Variants in TAFA5 observed in about 807,000 individuals in gnomAD.
TAFA5 encodes the protein chemokine-like protein TAFA-5.
In TAFA5, 6 loss-of-function variants were observed where a neutral mutation model predicts 15.3. The observed-to-expected ratio is 0.39, with a 90% CI of 0.21 to 0.77. The LOEUF (loss-of-function observed/expected upper bound fraction) is 0.77, where lower values mean the gene tolerates loss of function less well. Among genes scored for constraint, TAFA5 ranks in the 30% least tolerant of loss-of-function variants. The pLI is 0.41. For synonymous variants in TAFA5, 103 were observed against 80.7 expected, an observed-to-expected ratio of 1.28 and a Z score of -1.48; for missense variants, 161 against 193.1, an observed-to-expected ratio of 0.83 and a Z score of 0.98.
At chr22:48,599,817 G>C (rs1924897964) in intron 1 of TAFA5, among the ~76,000 whole-genome samples, 1 of 152,218 alleles carries the variant, frequency 6.6e-6, no homozygotes, top group Non-Finnish European at 1.5e-5. Context: ...CTATGTGGGG[G>C]GTTGAGCAGC....
intron 1 of TAFA5, among the ~76,000 whole-genome samples, chr22:48,630,988 C>T (rs1926204697): frequency 6.6e-6 from 1 of 152,202 alleles, no homozygotes; most frequent in African/African-American, 2.4e-5. Flanking sequence ...CTCGGCGTGT[C>T]CTGCAGCCAG....
At chr22:48,735,668 C>T (rs143866498) in intron 3 of TAFA5, among the ~76,000 whole-genome samples, 5 of 152,292 alleles carry the variant, frequency 3.3e-5, no homozygotes, top group Non-Finnish European at 7.4e-5. Context: ...CTTTGGAAGA[C>T]AGTTTGGCAG....
intron 1 of TAFA5, among the ~76,000 whole-genome samples, chr22:48,571,509 G>A (rs1461579102): frequency 1.4e-5 from 2 of 143,366 alleles, no homozygotes; most frequent in Admixed American, 7.2e-5. Context: ...TCCTGACCTC[G>A]TGATCTGCCT....
intron 2 of TAFA5, chr22:48,693,366 C>A: frequency 6.2e-7 from 1 of 1,612,616 alleles, no homozygotes; most frequent in Non-Finnish European, 8.5e-7. Flanking sequence ...AATGTACCAC[C>A]ACCGGGAATG....
chr22:48,603,849 TG>T (rs1054201766), intron 1 of TAFA5, among the ~76,000 whole-genome samples: 2 of 152,066 alleles, frequency 1.3e-5, no homozygotes, highest in African/African-American at 4.8e-5. Context: ...GCTGGCAGGC[TG>T]GAGGACCCTG....
At chr22:48,615,146 C>T (rs768076802) in intron 1 of TAFA5, among the ~76,000 whole-genome samples, 1 of 152,200 alleles carries the variant, frequency 6.6e-6, no homozygotes. Context: ...TGAACCCAGG[C>T]TGCCTGGAGG....
chr22:48,492,282 A>T (rs1360907798), intron 1 of TAFA5, among the ~76,000 whole-genome samples: 1 of 152,208 alleles, frequency 6.6e-6, no homozygotes, highest in East Asian at 1.9e-4. Flanking sequence ...GATTTTTATT[A>T]CTCAAAATGT....
chr22:48,565,080 G>C (rs1163195050), intron 1 of TAFA5, among the ~76,000 whole-genome samples: 2 of 152,234 alleles, frequency 1.3e-5, no homozygotes, highest in Non-Finnish European at 2.9e-5. Context: ...CATGGCCGTG[G>C]TGGGGCTGAG....
intron 2 of TAFA5, among the ~76,000 whole-genome samples, chr22:48,693,016 C>T (rs1928590699): frequency 6.6e-6 from 1 of 152,176 alleles, no homozygotes; most frequent in Admixed American, 6.5e-5. Flanking sequence ...TCACTATTCA[C>T]AGAACTCAGC....
At chr22:48,691,452 C>T (rs936641820) in intron 2 of TAFA5, among the ~76,000 whole-genome samples, 1 of 152,224 alleles carries the variant, frequency 6.6e-6, no homozygotes, top group Non-Finnish European at 1.5e-5. Flanking sequence ...AGGACAGGGT[C>T]GCCTTGTGTC....
chr22:48,542,244 ATATGTGTGTG>A (rs1474118923), intron 1 of TAFA5, among the ~76,000 whole-genome samples: 2 of 99,008 alleles, frequency 2.0e-5, no homozygotes, highest in Admixed American at 1.2e-4. Context: ...GTGTGTGTGC[ATATGTGTGTG>A]TATGTGTGTG....
chr22:48,632,934 G>A (rs1926285627), intron 1 of TAFA5, among the ~76,000 whole-genome samples: 1 of 152,216 alleles, frequency 6.6e-6, no homozygotes, highest in South Asian at 2.1e-4. Flanking sequence ...AGCATCCTCA[G>A]TTCCACTAGA....
At chr22:48,590,138 A>G (rs1366311037) in intron 1 of TAFA5, among the ~76,000 whole-genome samples, 1 of 152,094 alleles carries the variant, frequency 6.6e-6, no homozygotes, top group Non-Finnish European at 1.5e-5. Context: ...CGTCAGCATG[A>G]AGGGGAAGAT....
intron 1 of TAFA5, among the ~76,000 whole-genome samples, chr22:48,504,790 G>A (rs945443582): frequency 5.9e-5 from 9 of 152,180 alleles, no homozygotes; most frequent in Admixed American, 4.6e-4. Flanking sequence ...ATGGCTCGCC[G>A]AATCCCAGAG....
intron 1 of TAFA5, among the ~76,000 whole-genome samples, chr22:48,582,165 G>A (rs886251921): frequency 2.0e-5 from 3 of 151,908 alleles, no homozygotes; most frequent in African/African-American, 4.8e-5. Context: ...CCAGAGACAC[G>A]CACTGCGGTG....
chr22:48,577,514 C>T (rs1241555820), intron 1 of TAFA5, among the ~76,000 whole-genome samples: 4 of 152,198 alleles, frequency 2.6e-5, no homozygotes, highest in Admixed American at 6.5e-5. Flanking sequence ...CTGGTGCTCC[C>T]CTTGGTCCGC....
At chr22:48,534,187 G>T (rs1036870854) in intron 1 of TAFA5, among the ~76,000 whole-genome samples, 3 of 142,170 alleles carry the variant, frequency 2.1e-5, no homozygotes, top group African/African-American at 7.8e-5. Context: ...GGTGGGTCAA[G>T]CAGGTGGGGA....
Position 48,634,378 on chromosome 22 carries a change from TATTC to T in TAFA5, c.113-12217_113-12214del, listed in dbSNP as rs1193398386. 3.9e-5 allele frequency among the ~76,000 whole-genome samples: 6 copies of T among 152,318 alleles called. No individual in the cohort carries two copies. In the East Asian group the frequency reaches 1.2e-3, roughly 29 times the overall value. On this transcript the variant is annotated intron_variant, in intron 1 of 3. Transcript: ENST00000402357. ...CTCATCACTCATTCATTAACTCACT[TATTC>T]AGTCACGCACTCATTTATTCACTCA... is the stretch of plus-strand genomic sequence containing the variant.
At chr22:48,709,692 C>A (rs546885208) in intron 3 of TAFA5, among the ~76,000 whole-genome samples, 1 of 152,340 alleles carries the variant, frequency 6.6e-6, no homozygotes, top group East Asian at 1.9e-4. Context: ...GGCTGCACCC[C>A]TTCAGGAACG....
Sources: allele counts gnomAD v4.1 joint callset (sites outside exome capture counted in the v4.1 genomes callset), GRCh38; gene constraint gnomAD v4.1.1; transcripts MANE v1.5; gene names NCBI Gene and HGNC (gene_info 2026-07-23, HGNC 2026-07-21).